COL6A3: variants seen among roughly 807,000 people sequenced by gnomAD.
The protein encoded by COL6A3 is collagen type VI alpha 3 chain.
In COL6A3, 137 loss-of-function variants were observed where a neutral mutation model predicts 274.1. The ratio of observed to expected loss-of-function variants is 0.50; its 90% CI spans 0.44 to 0.58. The LOEUF (loss-of-function observed/expected upper bound fraction) is 0.58. Among genes scored for constraint, COL6A3 ranks in the 20% least tolerant of loss-of-function variants. The pLI, the probability that COL6A3 is intolerant of heterozygous loss-of-function variation, is 0.00. For missense variants in COL6A3, 3,950 were observed against 4,124.9 expected (o/e 0.96, Z 1.16); for synonymous variants, 1,650 against 1,650.6 (o/e 1.00, Z 0.01).
chr2:237,400,181 T>C (rs1043692222), intron 1 of COL6A3, among the ~76,000 whole-genome samples: 3 of 152,242 alleles, frequency 2.0e-5, no homozygotes, highest in Non-Finnish European at 4.4e-5. Flanking sequence ...AAAAGAAGTC[T>C]GTTTCACAGA....
chr2:237,375,236 C>T (rs967370482), intron 7 of COL6A3, among the ~76,000 whole-genome samples: 1 of 152,054 alleles, frequency 6.6e-6, no homozygotes, highest in Non-Finnish European at 1.5e-5. Flanking sequence ...TCACAAGTGT[C>T]CTTATAAGAG....
chr2:237,406,883 A>G lies in COL6A3; in HGVS notation c.-31+7070T>C, dbSNP rs962609493. 2.1e-5 allele frequency among the ~76,000 whole-genome samples: 3 copies of G among 142,426 alleles called. No individual in the cohort carries two copies. The East Asian group carries it at 6.2e-4, about 29-fold the overall frequency. The allele number at this position is 142,426 out of a possible 152,430, so 93.4% of individuals were successfully genotyped here. The stretch of plus-strand genomic sequence containing the variant: ...TTTTACTGTTTATTTAACAACTTGG[A>G]TTTCACATTTCTTTCTTTTTTCCCT... On this transcript the variant is annotated intron_variant, in intron 1 of 43. Coordinates refer to ENST00000295550, the MANE Select transcript of COL6A3 (RefSeq NM_004369.4).
In COL6A3 at chr2:237,387,918, G is replaced by C. The variant is rs773786663; in HGVS notation, c.976C>G (p.Leu326Val). ...GGELANIGLA[L>V]DFVVENHFTR... ...AAGTGGTTCTCCACCACGAAATCAAGGGCGAGGCCGATATTGGCCAACTCC... is the reference window on the plus strand; with the variant it reads ...AAGTGGTTCTCCACCACGAAATCAACGGCGAGGCCGATATTGGCCAACTCC... Residue 326 changes from leucine to valine, a missense_variant, in exon 4 of 44, where the codon CTT becomes GTT. Physicochemically the swap from Leu to Val is conservative, Grantham distance 32. Transcript: ENST00000295550. 1.9e-6 allele frequency: 3 copies of C among 1,614,110 alleles called. No homozygotes were observed. The Admixed American group carries it at 5.0e-5, about 27-fold the overall frequency.
chr2:237,408,288 C>T (rs953250997), intron 1 of COL6A3, among the ~76,000 whole-genome samples: 1 of 152,230 alleles, frequency 6.6e-6, no homozygotes, highest in Non-Finnish European at 1.5e-5. Flanking sequence ...CCCAGCCTCC[C>T]TTTTGTGTAA....
chr2:237,388,657 C>A (rs888553287), intron 3 of COL6A3, among the ~76,000 whole-genome samples: 4 of 152,172 alleles, frequency 2.6e-5, no homozygotes, highest in African/African-American at 9.7e-5. Flanking sequence ...ATTTTTTATA[C>A]AAATCCACAG....
chr2:237,380,465 G>C (rs28496024), intron 5 of COL6A3, among the ~76,000 whole-genome samples: 1,929 of 152,310 alleles, frequency 0.013, 56 homozygotes, highest in African/African-American at 0.044. Flanking sequence ...AGAAGAGAGG[G>C]ATTAAAAGCT....
In COL6A3 at chr2:237,347,835, G is replaced by T. The variant is rs763737851; in HGVS notation, c.7001C>A (p.Thr2334Lys). The change falls in exon 31 of 44, where the codon ACA becomes AAA. Residue 2334 changes from threonine to lysine, a missense_variant. Thr to Lys is a moderately conservative substitution (Grantham distance 78). Coordinates refer to ENST00000295550, the MANE Select transcript of COL6A3 (RefSeq NM_004369.4). ...TCGGCCTCTGATGCCTTTGGGTCCT[G>T]TTGTTCCATTTAGCCCAGGTTCACC... is the stretch of plus-strand genomic sequence containing the variant. ...NPGEPGLNGT[T>K]GPKGIRGRRG... 1 of 1,611,480 alleles carries T rather than the reference G, an allele frequency of 6.2e-7. No homozygotes were observed. The highest frequency in any genetic ancestry group is 1.1e-5 in the South Asian group (1 of 90,174).
At position 237,368,951 on chromosome 2, in the gene COL6A3, C is replaced by T. The variant is rs747714020; in HGVS notation, c.4512G>A (p.Arg1504=). Residue 1504 remains arginine, a synonymous_variant, in exon 10 of 44, where the codon CGG becomes CGA. Transcript: ENST00000295550. The surrounding 1 kb of genome is among the most constrained non-coding windows in gnomAD (Gnocchi z 4.4). ...RSQAPVLDAI[R]RLRLRGGSPL... ...GGGACCCCCCTCTGAGCCTCAGGCGCCGTATGGCGTCCAGCACCGGGGCCT... is the reference window on the plus strand; with the variant it reads ...GGGACCCCCCTCTGAGCCTCAGGCGTCGTATGGCGTCCAGCACCGGGGCCT... 6.2e-7 allele frequency: 1 copy of T among 1,614,212 alleles called. No individual in the cohort carries two copies.
chr2:237,359,014 C>G (rs753541525), intron 20 of COL6A3, 21 bp downstream of exon 20: 1 of 1,610,762 alleles, frequency 6.2e-7, no homozygotes, highest in South Asian at 1.1e-5. Flanking sequence ...CATAATAGCA[C>G]CACCGTGGAA....
intron 1 of COL6A3, among the ~76,000 whole-genome samples, chr2:237,400,134 T>A (rs1172567347): frequency 2.0e-5 from 3 of 152,064 alleles, no homozygotes; most frequent in Non-Finnish European, 4.4e-5. Flanking sequence ...GGAGATTGAG[T>A]TTTCATCATC....
intron 21 of COL6A3, 112 bp from the exon 22 acceptor site, chr2:237,357,994 G>C: frequency 1.0e-6 from 1 of 992,830 alleles, no homozygotes; most frequent in African/African-American, 1.6e-5. Flanking sequence ...GGCTTCGAGG[G>C]ACAAGCCCTT....
chr2:237,349,946 C>T lies in COL6A3; in HGVS notation c.6879+201G>A, dbSNP rs541198451. Among the ~76,000 whole-genome samples, 17 of 152,184 alleles carry T rather than the reference C, an allele frequency of 1.1e-4. No individual in the cohort carries two copies. The East Asian group carries it at 3.1e-3, about 28-fold the overall frequency. On this transcript the variant is annotated intron_variant, in intron 28 of 43. Coordinates refer to ENST00000295550, the MANE Select transcript of COL6A3 (RefSeq NM_004369.4). ...GGAAAAAATGTCTCTCCCCACGGCCCGCCCCACCTCTCTACCCCTGCCAAT... is the reference window on the plus strand; with the variant it reads ...GGAAAAAATGTCTCTCCCCACGGCCTGCCCCACCTCTCTACCCCTGCCAAT...
Position 237,357,647 on chromosome 2 carries a change from C to T in COL6A3, c.6537+170G>A, listed in dbSNP as rs553737952. On this transcript the variant is annotated intron_variant, in intron 22 of 43. Transcript: ENST00000295550. ...GAGAAGCCCCACTTGGCAAGGGTCA[C>T]TCTGGTTCCCCACGGAGACTTCCTT... Among the ~76,000 whole-genome samples the T allele has an allele frequency of 3.9e-5, 6 of 152,354 alleles. 1 individual carries two copies. The highest frequency in any genetic ancestry group is 3.3e-4 in the Admixed American group (5 of 15,308).
Position 237,394,798 on chromosome 2 carries a change from CTT to C in COL6A3, c.496_497del (p.Lys166ValfsTer3). ...DGLALPSAEL[K>X]SADVNVFAIG... Reference sequence around the variant, plus strand: ...TTGCAAACACGTTAACATCAGCAGACTTAAGTTCCGCTGAGGGCAGAGCAAGG... The same window carrying C: ...TTGCAAACACGTTAACATCAGCAGACAAGTTCCGCTGAGGGCAGAGCAAGG... On this transcript the variant is annotated frameshift_variant, in exon 3 of 44. Transcript: ENST00000295550. LOFTEE classifies it high-confidence loss of function. 6 of 1,614,198 alleles carry C rather than the reference CTT, an allele frequency of 3.7e-6. No homozygotes were observed. The highest frequency in any genetic ancestry group is 5.1e-6 in the Non-Finnish European group (6 of 1,180,026).
chr2:237,389,188 G>A (rs113837609), intron 3 of COL6A3, among the ~76,000 whole-genome samples: 35 of 152,280 alleles, frequency 2.3e-4, no homozygotes, highest in Admixed American at 1.9e-3. Flanking sequence ...TGCTGAGAAC[G>A]GGGTTATATA....
intron 3 of COL6A3, among the ~76,000 whole-genome samples, chr2:237,392,394 G>A (rs1439612919): frequency 6.6e-6 from 1 of 152,172 alleles, no homozygotes; most frequent in Non-Finnish European, 1.5e-5. Flanking sequence ...TTGCAATCTT[G>A]CAATTCTTCT....
intron 23 of COL6A3, 79 bp downstream of exon 23, chr2:237,357,259 C>A: frequency 8.2e-7 from 1 of 1,213,032 alleles, no homozygotes; most frequent in Non-Finnish European, 1.2e-6. Flanking sequence ...GTGGACTAAC[C>A]ATGCACCAGG....
Position 237,370,026 on chromosome 2 carries a change from A to AT in COL6A3, c.4286-850dup, listed in dbSNP as rs34693588. ...CCTTTATTTTTTAAATTTCATTAAA[A>AT]TTTTTTTTTTTAATTTTTTGGATGA... On this transcript the variant is annotated intron_variant, in intron 9 of 43. Coordinates refer to ENST00000295550, the MANE Select transcript of COL6A3 (RefSeq NM_004369.4). 6.8e-3 allele frequency among the ~76,000 whole-genome samples: 1,004 copies of AT among 147,672 alleles called. 6 individuals are homozygous for AT. Among genetic ancestry groups the AT allele is most frequent in the African/African-American group, 0.023 (934 of 40,342 alleles).
chr2:237,357,755 A>C, intron 22 of COL6A3, 62 bp downstream of exon 22: 2 of 1,549,256 alleles, frequency 1.3e-6, no homozygotes, highest in Non-Finnish European at 1.8e-6. Context: ...TGATGAGCCG[A>C]GAAGTGTGTC....
Sources: allele counts gnomAD v4.1 joint callset (sites outside exome capture counted in the v4.1 genomes callset), GRCh38; gene constraint gnomAD v4.1.1; non-coding constraint Gnocchi (gnomAD v3.1); transcripts MANE v1.5; gene names NCBI Gene and HGNC (gene_info 2026-07-23, HGNC 2026-07-21).